DYNC2H1: variants seen among roughly 807,000 people sequenced by gnomAD.
DYNC2H1 encodes cytoplasmic dynein 2 heavy chain 1.
DYNC2H1 carries 410 observed loss-of-function variants against 570.0 expected under a neutral mutation model. The observed-to-expected ratio is 0.72, with a 90% confidence interval of 0.66 to 0.78. DYNC2H1 has a LOEUF of 0.78. Among genes scored for constraint, DYNC2H1 ranks in the 30% least tolerant of loss-of-function variants. DYNC2H1 has a pLI of 0.00. For synonymous variants in DYNC2H1, 1,688 were observed against 1,677.6 expected (o/e 1.01, Z -0.15); for missense variants, 4,865 against 5,046.4 (o/e 0.96, Z 1.09).
chr11:103,420,443 GAAATAAAAGAAAAAGTA>G (rs1174839492), intron 84 of DYNC2H1, among the ~76,000 whole-genome samples: 1 of 152,038 alleles, frequency 6.6e-6, no homozygotes, highest in African/African-American at 2.4e-5. Context: ...CTCCAAGGTT[GAAATAAAAGAAAAAGTA>G]TTAAGGGCAG....
In DYNC2H1 at chr11:103,334,625, C is replaced by T. The variant is rs973046153; in HGVS notation, c.12039+10635C>T. On this transcript the variant is annotated intron_variant, in intron 82 of 88. Coordinates refer to ENST00000375735, the MANE Select transcript of DYNC2H1 (RefSeq NM_001377.3). The surrounding 1 kb of genome is among the most constrained non-coding windows in gnomAD (Gnocchi z 4.3). Reference sequence around the variant, plus strand: ...CATCAATATAAATAACATATAAATACGTGTCTTAAATTTGAAGATTTTGAT... The same window carrying T: ...CATCAATATAAATAACATATAAATATGTGTCTTAAATTTGAAGATTTTGAT... Among the ~76,000 whole-genome samples, 5 of 151,892 alleles carry T rather than the reference C, an allele frequency of 3.3e-5. No homozygotes were observed. The highest frequency in any genetic ancestry group is 1.9e-4 in the East Asian group (1 of 5,184).
chr11:103,317,095 G>C (rs976783014), intron 80 of DYNC2H1, among the ~76,000 whole-genome samples: 1 of 152,076 alleles, frequency 6.6e-6, no homozygotes, highest in Non-Finnish European at 1.5e-5. Flanking sequence ...TTGAAAACAG[G>C]AACAGTCTAA....
At chr11:103,350,780 G>A (rs1342909603) in intron 82 of DYNC2H1, among the ~76,000 whole-genome samples, 1 of 152,058 alleles carries the variant, frequency 6.6e-6, no homozygotes, top group Non-Finnish European at 1.5e-5. Context: ...GAGTGAATGA[G>A]TGAGGTCTCC....
In DYNC2H1 at chr11:103,297,932, T is replaced by G. The variant is rs538112727; in HGVS notation, c.11096-5161T>G. On this transcript the variant is annotated intron_variant, in intron 75 of 88. Coordinates refer to ENST00000375735, the MANE Select transcript of DYNC2H1 (RefSeq NM_001377.3). ...CAGTCACTTCTCAGACCTTTAGGAC[T>G]TTCTACCACTTTGTTTAAGCCACTT... is the stretch of plus-strand genomic sequence containing the variant. 6.8e-4 allele frequency among the ~76,000 whole-genome samples: 103 copies of G among 152,268 alleles called. 1 individual carries two copies. Among genetic ancestry groups the G allele is most frequent in the African/African-American group, 2.3e-3 (96 of 41,594 alleles).
chr11:103,417,470 C>T (rs939461118), intron 84 of DYNC2H1, among the ~76,000 whole-genome samples: 2 of 152,132 alleles, frequency 1.3e-5, no homozygotes, highest in African/African-American at 4.8e-5. Context: ...TTGCTTCATG[C>T]ACATAATCAC....
chr11:103,120,892 G>A, intron 8 of DYNC2H1, 33 bp from the exon 9 acceptor site: 4 of 1,291,736 alleles, frequency 3.1e-6, no homozygotes, highest in Non-Finnish European at 4.0e-6. Flanking sequence ...TGATCCGTTG[G>A]GATGAACATG....
chr11:103,311,755 T>C (rs750761170), intron 78 of DYNC2H1, 123 bp from the exon 79 acceptor site: 14 of 890,468 alleles, frequency 1.6e-5, no homozygotes, highest in Non-Finnish European at 2.3e-5. Context: ...AACATAATAA[T>C]TTAACTCAAA....
rs748322622 is a variant in DYNC2H1, at chr11:103,116,648, G to T, written c.700G>T (p.Val234Leu). The T allele has an allele frequency of 1.2e-6, 2 of 1,609,866 alleles. No individual in the cohort carries two copies. The highest frequency in any genetic ancestry group is 1.7e-5 in the Admixed American group (1 of 59,798). ...GACTACTCAGGATGTTGTAGATGAT[G>T]TGTGGAGACAAACAGAACATGATCA... is the stretch of plus-strand genomic sequence containing the variant. ...VETTQDVVDDVWRQTEHDHYP... is the reference protein window; with the variant it reads ...VETTQDVVDDLWRQTEHDHYP... Residue 234 changes from valine (V) to leucine (L), a missense_variant, in exon 5 of 89, where the codon GTG becomes TTG. Val to Leu is a conservative substitution (Grantham distance 32). This residue lies in a region of DYNC2H1 where 1,936 missense variants were observed against 1,962.1 expected (regional missense o/e 0.99). Transcript: ENST00000375735.
intron 47 of DYNC2H1, among the ~76,000 whole-genome samples, chr11:103,196,049 A>G (rs1268149078): frequency 2.6e-5 from 4 of 152,198 alleles, no homozygotes; most frequent in African/African-American, 7.2e-5. Flanking sequence ...GATTCAAACA[A>G]TCAGTGAAGC....
At chr11:103,230,517 T>G (rs614902) in intron 59 of DYNC2H1, among the ~76,000 whole-genome samples, 10 of 152,192 alleles carry the variant, frequency 6.6e-5, no homozygotes, top group Non-Finnish European at 7.3e-5. Flanking sequence ...ATTCTGGGTT[T>G]TATTAGCGGT....
chr11:103,231,950 A>G (rs1395988585), intron 60 of DYNC2H1, among the ~76,000 whole-genome samples: 2 of 151,986 alleles, frequency 1.3e-5, no homozygotes, highest in Non-Finnish European at 2.9e-5. Flanking sequence ...TACTTATAGA[A>G]AAAAATCAAA....
chr11:103,273,791 C>G (rs937590843), intron 70 of DYNC2H1, among the ~76,000 whole-genome samples: 2 of 152,048 alleles, frequency 1.3e-5, no homozygotes, highest in Admixed American at 1.3e-4. Flanking sequence ...GTATCAATGT[C>G]TATGGAGTGC....
rs1865313676 is a variant in DYNC2H1 at position 103,261,996 on chromosome 11, A to G, written c.10695+2019A>G. On this transcript the variant is annotated intron_variant, in intron 70 of 88. Transcript: ENST00000375735. This position sits in a 1 kb window ranked among gnomAD's most constrained non-coding sequence, Gnocchi z 4.8. ...GCTAACTAGAATAACCAGTTTAGAG[A>G]AGAACATAAATGACCTGATGGAGCT... Among the ~76,000 whole-genome samples, 2 of 152,234 alleles carry G rather than the reference A, an allele frequency of 1.3e-5. No individual in the cohort carries two copies. The highest frequency in any genetic ancestry group is 2.9e-5 in the Non-Finnish European group (2 of 68,034).
chr11:103,186,307 T>C lies in DYNC2H1; in HGVS notation c.6699T>C (p.Ser2233=). The C allele has an allele frequency of 6.2e-7, 1 of 1,612,614 alleles. No individual in the cohort carries two copies. Among genetic ancestry groups the C allele is most frequent in the East Asian group, 2.2e-5 (1 of 44,792 alleles). ...FHKPMDTYYD[S]TRGRLATYVL... ...AACCTATGGATACCTACTATGACTC[T>C]ACTAGGGGTCGATTAGCAACATATG... The change falls in exon 42 of 89, where the codon TCT becomes TCC. Residue 2233 remains serine (S), a synonymous_variant. Transcript: ENST00000375735. The surrounding 1 kb of genome is among the most constrained non-coding windows in gnomAD (Gnocchi z 4.5).
chr11:103,474,568 T>C (rs958482319), intron 88 of DYNC2H1, among the ~76,000 whole-genome samples: 3 of 152,166 alleles, frequency 2.0e-5, no homozygotes, highest in African/African-American at 7.2e-5. Flanking sequence ...TCTAATATGG[T>C]AGTCCCTCTG....
chr11:103,389,628 G>C (rs958690579), intron 83 of DYNC2H1, among the ~76,000 whole-genome samples: 2 of 151,738 alleles, frequency 1.3e-5, no homozygotes, highest in Non-Finnish European at 2.9e-5. Context: ...TCTCTTGTGG[G>C]CATTTAGTGC....
At chr11:103,287,789 T>C (rs1180742538) in intron 75 of DYNC2H1, 184 bp downstream of exon 75, 8 of 553,384 alleles carry the variant, frequency 1.4e-5, no homozygotes, top group Non-Finnish European at 2.1e-5. Context: ...TGGTGGCTCA[T>C]TCTGTAACTG....
rs1256545585 is a variant in DYNC2H1, at chr11:103,305,594, G to C, written c.11382+874G>C. 1.3e-5 allele frequency among the ~76,000 whole-genome samples: 2 copies of C among 152,128 alleles called. No homozygotes were observed. The highest frequency in any genetic ancestry group is 4.8e-5 in the African/African-American group (2 of 41,422). ...ATTAATTAATTAATTTTTTCTGGCA[G>C]TGGTATATAGAATAGAAACAAACAG... On this transcript the variant is annotated intron_variant, in intron 77 of 88. Transcript: ENST00000375735. This position sits in a 1 kb window ranked among gnomAD's most constrained non-coding sequence, Gnocchi z 4.3.
rs774434312 is a variant in DYNC2H1 at position 103,122,916 on chromosome 11, A to G, written c.1577A>G (p.Gln526Arg). 3 of 1,612,442 alleles carry G rather than the reference A, an allele frequency of 1.9e-6. No homozygotes were observed. Among genetic ancestry groups the G allele is most frequent in the Admixed American group, 1.7e-5 (1 of 59,848 alleles). The change falls in exon 11 of 89, where the codon CAG becomes CGG. Residue 526 changes from glutamine to arginine, a missense_variant. By Grantham distance (43) the Gln-to-Arg change is conservative. Around this residue, in one of 5 missense-constraint regions of DYNC2H1, gnomAD observed 1,936 missense variants for 1,962.1 expected, o/e 0.99. Coordinates refer to ENST00000375735, the MANE Select transcript of DYNC2H1 (RefSeq NM_001377.3). ...FHQSAKDLLD[Q>R]LKLYEQEQFD... is the part of the protein sequence containing the mutation. ...CAAAGTGCCAAAGATCTCTTAGACC[A>G]GCTTAAACTATATGAACAGGAACAA...
Sources: gnomAD v4.1 joint callset for allele counts (sites outside exome capture counted in the v4.1 genomes callset) on GRCh38, gnomAD v4.1.1 for gene constraint, gnomAD v4.1.1 regional missense constraint, Gnocchi (gnomAD v3.1) non-coding constraint, MANE v1.5 for transcripts, NCBI Gene and HGNC (gene_info 2026-07-23, HGNC 2026-07-21) for gene names.